The following CIMAP2 variants were observed in gnomAD, a reference collection of about 807,000 sequenced individuals.
The protein encoded by CIMAP2 is ciliary microtubule associated protein 2.
At chr1:54,813,963 C>T in the CIMAP2 span, 1 of 1,604,306 alleles carries the variant, frequency 6.2e-7, no homozygotes, top group South Asian at 1.1e-5. Flanking sequence ...TCAGCCAGTG[C>T]CCCCGCACAC....
chr1:54,808,718 G>A, the CIMAP2 span, among the ~76,000 whole-genome samples: 1 of 151,912 alleles, frequency 6.6e-6, no homozygotes, highest in African/African-American at 2.4e-5. Context: ...GTGCTGAGAG[G>A]TGGGGGTGGC....
the CIMAP2 span, chr1:54,814,098 G>T: frequency 8.0e-7 from 1 of 1,249,884 alleles, no homozygotes; most frequent in Non-Finnish European, 1.1e-6. Flanking sequence ...GACTGACTTG[G>T]TTTCCAATCC....
At chr1:54,821,960 G>A in the CIMAP2 span, among the ~76,000 whole-genome samples, 13,547 of 91,500 alleles carry the variant, frequency 0.15, 2,041 homozygotes, top group Middle Eastern at 0.24. Flanking sequence ...GTGCAGTGGC[G>A]GGATCTCGGC....
the CIMAP2 span, among the ~76,000 whole-genome samples, chr1:54,833,983 G>A: frequency 5.7e-3 from 864 of 152,182 alleles, 41 homozygotes; most frequent in East Asian, 0.1. Context: ...GATCACAGGC[G>A]TGCATCACCA....
At chr1:54,817,075 T>C in the CIMAP2 span, 1 of 1,614,020 alleles carries the variant, frequency 6.2e-7, no homozygotes, top group South Asian at 1.1e-5. Flanking sequence ...TATTCCTGAG[T>C]GGATCCAAAC....
chr1:54,826,642 CCTGCAAGGCCT>C, the CIMAP2 span, among the ~76,000 whole-genome samples: 3 of 152,222 alleles, frequency 2.0e-5, no homozygotes, highest in Non-Finnish European at 4.4e-5. Context: ...AGTCTCAGGG[CCTGCAAGGCCT>C]GAGGGCTCTC....
At chr1:54,811,765 G>GCCGGGGGGGGGCCGCCCCCC in the CIMAP2 span, 1 of 1,301,326 alleles carries the variant, frequency 7.7e-7, no homozygotes, top group Non-Finnish European at 1.1e-6. Flanking sequence ...GGTTCTGACA[G>GCCGGGGGGGGGCCGCCCCCC]CCTCCATGCC....
chr1:54,831,481 C>A, the CIMAP2 span, among the ~76,000 whole-genome samples: 2 of 151,892 alleles, frequency 1.3e-5, no homozygotes, highest in African/African-American at 4.8e-5. Flanking sequence ...GGTGAAACCC[C>A]GTCTCTACTA....
the CIMAP2 span, among the ~76,000 whole-genome samples, chr1:54,810,667 G>A: frequency 6.6e-6 from 1 of 152,194 alleles, no homozygotes; most frequent in Non-Finnish European, 1.5e-5. Context: ...ATGGCTAAAA[G>A]GTGCAGAGCA....
the CIMAP2 span, among the ~76,000 whole-genome samples, chr1:54,814,484 C>T: frequency 3.3e-5 from 5 of 152,240 alleles, no homozygotes. Context: ...TCCAGCCTTC[C>T]TGAGGTAGGG....
chr1:54,806,095 G>T, the CIMAP2 span: 1 of 1,505,536 alleles, frequency 6.6e-7, no homozygotes. Flanking sequence ...AGCAGCGGAG[G>T]CGGGCAGCGC....
the CIMAP2 span, chr1:54,811,765 G>GCCGGGGGGGGGGGGGCGCCCCC: frequency 1.5e-6 from 2 of 1,301,332 alleles, no homozygotes; most frequent in Non-Finnish European, 2.2e-6. Flanking sequence ...GGTTCTGACA[G>GCCGGGGGGGGGGGGGCGCCCCC]CCTCCATGCC....
the CIMAP2 span, chr1:54,811,910 G>A: frequency 1.2e-6 from 2 of 1,614,022 alleles, no homozygotes; most frequent in Admixed American, 1.7e-5. Context: ...TGAGCAACAA[G>A]CCACACCCCC....
the CIMAP2 span, chr1:54,811,767 C>CGGGGGGGGGGGGGCG: frequency 1.8e-6 from 2 of 1,088,168 alleles, no homozygotes; most frequent in Non-Finnish European, 2.7e-6. Context: ...TTCTGACAGC[C>CGGGGGGGGGGGGGCG]TCCATGCCCC....
At chr1:54,820,108 CTCTCTCTTTCTT>C in the CIMAP2 span, among the ~76,000 whole-genome samples, 638 of 12,692 alleles carry the variant, frequency 0.05, 4 homozygotes, top group Non-Finnish European at 0.12. Flanking sequence ...TTCTTTCTCT[CTCTCTCTTTCTT>C]TCTTTCTTTC....
the CIMAP2 span, among the ~76,000 whole-genome samples, chr1:54,808,611 C>CCGGGGGG: frequency 2.3e-5 from 1 of 44,126 alleles, no homozygotes; most frequent in South Asian, 1.6e-3. Flanking sequence ...CCAGGTGCTG[C>CCGGGGGG]CGGGGGAGGG....
the CIMAP2 span, among the ~76,000 whole-genome samples, chr1:54,830,772 C>A: frequency 6.6e-6 from 1 of 152,290 alleles, no homozygotes; most frequent in East Asian, 1.9e-4. This position sits in a 1 kb window ranked among gnomAD's most constrained non-coding sequence, Gnocchi z 4.1. Flanking sequence ...GCTGCCAATT[C>A]CTTAGTCTTT....
At chr1:54,827,151 G>A in the CIMAP2 span, among the ~76,000 whole-genome samples, 2 of 152,224 alleles carry the variant, frequency 1.3e-5, no homozygotes, top group Admixed American at 6.5e-5. Flanking sequence ...ACCAGAGAGA[G>A]GAAAAGAGGG....
the CIMAP2 span, chr1:54,814,032 G>T: frequency 6.5e-7 from 1 of 1,530,892 alleles, no homozygotes; most frequent in Non-Finnish European, 8.8e-7. Flanking sequence ...TCCTTCCGGG[G>T]CTGGGCATGG....
Sources: gnomAD v4.1 joint callset for allele counts (sites outside exome capture counted in the v4.1 genomes callset) on GRCh38, gnomAD v4.1.1 for gene constraint, Gnocchi (gnomAD v3.1) non-coding constraint, MANE v1.5 for transcripts, NCBI Gene and HGNC (gene_info 2026-07-23, HGNC 2026-07-21) for gene names.